Variants in IGF1R observed in about 807,000 individuals in gnomAD.
The protein encoded by IGF1R is insulin-like growth factor 1 receptor.
Under a neutral mutation model 144.6 loss-of-function variants are expected in IGF1R, and 44 were observed. That is an observed-to-expected ratio of 0.30 (90% CI 0.24 to 0.39). IGF1R has a LOEUF of 0.39. Among genes scored for constraint, IGF1R ranks in the 10% least tolerant of loss-of-function variants. The pLI is 1.00. For synonymous variants in IGF1R, 795 were observed against 722.8 expected, an observed-to-expected ratio of 1.10 and a Z score of -1.60; for missense variants, 1,355 against 1,833.7, an observed-to-expected ratio of 0.74 and a Z score of 4.77.
intron 1 of IGF1R, among the ~76,000 whole-genome samples, chr15:98,701,853 C>T (rs1206223793): frequency 6.6e-6 from 1 of 152,130 alleles, no homozygotes; most frequent in African/African-American, 2.4e-5. Context: ...ATAACAGCTG[C>T]TAAAAGGTAT....
rs559290417 is a variant in IGF1R at position 98,929,081 on chromosome 15, T to A, written c.2783-477T>A. On this transcript the variant is annotated intron_variant, in intron 13 of 20. Coordinates refer to ENST00000650285, the MANE Select transcript of IGF1R (RefSeq NM_000875.5). ...TATTTATTAGAAATAGAATGCTTGC[T>A]GCTGCAAGCATTTGAGTCCTTTTAC... is the stretch of plus-strand genomic sequence containing the variant. Among the ~76,000 whole-genome samples, 14 of 152,284 alleles carry A rather than the reference T, an allele frequency of 9.2e-5. 1 individual carries two copies. In the South Asian group the frequency reaches 2.9e-3, roughly 32 times the overall value.
chr15:98,921,873 C>T (rs1051703785), intron 10 of IGF1R, among the ~76,000 whole-genome samples: 4 of 152,038 alleles, frequency 2.6e-5, no homozygotes, highest in African/African-American at 7.3e-5. Flanking sequence ...CCAAGAGTGG[C>T]AGAGACACTA....
chr15:98,824,133 C>T (rs1454672693), intron 2 of IGF1R: 2 of 152,122 alleles, frequency 1.3e-5, no homozygotes, highest in East Asian at 3.9e-4. Flanking sequence ...TTGACAGCAG[C>T]CTATACAGGA....
intron 1 of IGF1R, among the ~76,000 whole-genome samples, chr15:98,676,117 A>C (rs2053036710): frequency 6.6e-6 from 1 of 151,800 alleles, no homozygotes; most frequent in Admixed American, 6.6e-5. Context: ...GACGTGAGCC[A>C]CTGCGCCCAG....
chr15:98,776,679 G>C (rs2055724647), intron 2 of IGF1R, among the ~76,000 whole-genome samples: 1 of 152,132 alleles, frequency 6.6e-6, no homozygotes, highest in Admixed American at 6.5e-5. Context: ...GGTGCTGGGC[G>C]GCCCTCACCT....
Position 98,915,998 on chromosome 15 carries a change from G to A in IGF1R, c.1863G>A (p.Ser621=), listed in dbSNP as rs765835311. The change falls in exon 9 of 21, where the codon TCG becomes TCA. Residue 621 remains serine (S), a synonymous_variant. Coordinates refer to ENST00000650285, the MANE Select transcript of IGF1R (RefSeq NM_000875.5). ...TTCCCTTGGACGTTCTTTCAGCATC[G>A]AACTCCTCTTCTCAGTTAATCGTGA... ...PSIPLDVLSA[S]NSSSQLIVKW... 3.8e-5 allele frequency: 62 copies of A among 1,613,930 alleles called. No homozygotes were observed. The highest frequency in any genetic ancestry group is 5.2e-5 in the Non-Finnish European group (61 of 1,179,984).
intron 13 of IGF1R, among the ~76,000 whole-genome samples, chr15:98,925,574 C>T (rs771428849): frequency 1.3e-5 from 2 of 152,154 alleles, no homozygotes; most frequent in Non-Finnish European, 2.9e-5. Flanking sequence ...TTCCTGGTGT[C>T]CACATTTCTG....
At chr15:98,736,292 A>G (rs1567102085) in intron 2 of IGF1R, among the ~76,000 whole-genome samples, 1 of 152,244 alleles carries the variant, frequency 6.6e-6, no homozygotes, top group Non-Finnish European at 1.5e-5. Flanking sequence ...AAAGGTTAAT[A>G]TTATCAATTT....
chr15:98,840,485 T>C (rs1183578846), intron 2 of IGF1R, among the ~76,000 whole-genome samples: 6 of 152,180 alleles, frequency 3.9e-5, no homozygotes, highest in African/African-American at 1.4e-4. Context: ...AGTCTCACTC[T>C]GTCACCCCGG....
chr15:98,916,260 G>GTTTT (rs2015241179), intron 9 of IGF1R, 129 bp downstream of exon 9: 1 of 725,666 alleles, frequency 1.4e-6, no homozygotes. Flanking sequence ...GCTATCTTCT[G>GTTTT]GTTTTTTTTT....
chr15:98,936,066 A>G (rs188768963), intron 17 of IGF1R, among the ~76,000 whole-genome samples: 38 of 151,974 alleles, frequency 2.5e-4, no homozygotes, highest in Middle Eastern at 3.4e-3. Context: ...GCACTCATTC[A>G]TAAACCCCCT....
intron 2 of IGF1R, among the ~76,000 whole-genome samples, chr15:98,746,352 T>C (rs1458524480): frequency 2.6e-5 from 4 of 152,210 alleles, no homozygotes; most frequent in Non-Finnish European, 5.9e-5. Context: ...TGCTATCTCC[T>C]CAGGTGCAGG....
chr15:98,651,310 G>GCGGACC (rs2052359765), intron 1 of IGF1R, among the ~76,000 whole-genome samples: 1 of 152,230 alleles, frequency 6.6e-6, no homozygotes, highest in Non-Finnish European at 1.5e-5. Flanking sequence ...TTACTGCCGA[G>GCGGACC]TGGGACGCGG....
Position 98,694,751 on chromosome 15 carries a change from G to C in IGF1R, c.95-12811G>C, listed in dbSNP as rs558256044. On this transcript the variant is annotated intron_variant, in intron 1 of 20. Transcript: ENST00000650285. ...TTCTGGTGGGGTGGAAACTTTCTTA[G>C]CATGAAGGGATCTTTGTGTGATCTG... 8.5e-5 allele frequency among the ~76,000 whole-genome samples: 13 copies of C among 152,332 alleles called. 3 individuals are homozygous for C. The highest frequency in any genetic ancestry group is 3.1e-4 in the African/African-American group (13 of 41,570).
At chr15:98,850,690 G>C (rs1019583711) in intron 2 of IGF1R, among the ~76,000 whole-genome samples, 1 of 152,142 alleles carries the variant, frequency 6.6e-6, no homozygotes, top group African/African-American at 2.4e-5. Flanking sequence ...TACGTTACAA[G>C]TAACTGCATG....
chr15:98,779,743 A>C (rs545042004), intron 2 of IGF1R, among the ~76,000 whole-genome samples: 1 of 152,328 alleles, frequency 6.6e-6, no homozygotes, highest in South Asian at 2.1e-4. Context: ...CGGGGAGCCG[A>C]GTCCGAGGCT....
chr15:98,900,602 A>G (rs1303511713), intron 5 of IGF1R: 5 of 152,242 alleles, frequency 3.3e-5, no homozygotes, highest in African/African-American at 9.6e-5. Context: ...GAGAGCGGGC[A>G]GCTCTTCATT....
intron 5 of IGF1R, 142 bp downstream of exon 5, chr15:98,899,763 G>A (rs952152581): frequency 2.8e-5 from 23 of 820,840 alleles, no homozygotes; most frequent in Non-Finnish European, 3.5e-5. Context: ...TGTGCTGCTC[G>A]AGTAGGTCTT....
intron 2 of IGF1R, among the ~76,000 whole-genome samples, chr15:98,764,485 A>G (rs1273385209): frequency 6.6e-6 from 1 of 152,240 alleles, no homozygotes; most frequent in Non-Finnish European, 1.5e-5. Flanking sequence ...TTACATATGG[A>G]AGAATGCTGG....
Sources: allele counts gnomAD v4.1 joint callset (sites outside exome capture counted in the v4.1 genomes callset), GRCh38; gene constraint gnomAD v4.1.1; transcripts MANE v1.5; gene names NCBI Gene and HGNC (gene_info 2026-07-23, HGNC 2026-07-21).